Variants in ENO3 observed in about 807,000 individuals in gnomAD.
ENO3 encodes beta-enolase.
In ENO3, 46 loss-of-function variants were observed where a neutral mutation model predicts 47.7. The ratio of observed to expected loss-of-function variants is 0.96; its 90% confidence interval spans 0.76 to 1.23. ENO3 has a LOEUF of 1.23. ENO3 is among the 50% of genes most tolerant of loss of function. The pLI is 0.00. For missense variants in ENO3, 575 were observed against 566.2 expected, an observed-to-expected ratio of 1.02 and a Z score of -0.16; for synonymous variants, 223 against 225.9, an observed-to-expected ratio of 0.99 and a Z score of 0.11.
At chr17:4,949,059 C>G (rs1971469252), upstream of ENO3, 1 of 151,918 alleles carries the variant, frequency 6.6e-6, no homozygotes, top group Non-Finnish European at 1.5e-5. Context: ...GGGAGCGCGC[C>G]CGGCCCGACC....
In ENO3 at chr17:4,953,344, G is replaced by A. The variant is rs1438283955; in HGVS notation, c.310+3G>A. 11 of 1,614,132 alleles carry A rather than the reference G, an allele frequency of 6.8e-6. No homozygotes were observed. The highest frequency in any genetic ancestry group is 8.5e-6 in the Non-Finnish European group (10 of 1,180,048). ...GCTAGATGGGACCGAGAATAAGTGT[G>A]AGTGAAGGGCTAGCGGTGGGGAAGG... On this transcript the variant is annotated splice_donor_region_variant and intron_variant, in intron 5 of 11. Coordinates refer to ENST00000519602, the MANE Select transcript of ENO3 (RefSeq NM_053013.4).
At position 4,955,973 on chromosome 17, in the gene ENO3, T is replaced by A. The variant is rs1466050309; in HGVS notation, c.897T>A (p.Asp299Glu). ...CCATCGAAGACCCCTTTGACCAGGA[T>A]GACTGGGCCACTTGGACCTCCTTCC... ...VVSIEDPFDQ[D>E]DWATWTSFLS... is the part of the protein sequence containing the mutation. Residue 299 changes from aspartate (D) to glutamate (E), a missense_variant, in exon 9 of 12, where the codon GAT becomes GAA. Transcript: ENST00000519602. 1.9e-6 allele frequency: 3 copies of A among 1,613,836 alleles called. No individual in the cohort carries two copies. The South Asian group carries it at 3.3e-5, about 18-fold the overall frequency.
intron 6 of ENO3, 25 bp downstream of exon 6, chr17:4,953,870 C>T (rs1971635484): frequency 6.2e-7 from 1 of 1,613,878 alleles, no homozygotes; most frequent in Admixed American, 1.7e-5. Flanking sequence ...CCGCCCTTCC[C>T]AGATCTCGCC....
chr17:4,951,844 A>G lies in ENO3; in HGVS notation c.15A>G (p.Lys5=), dbSNP rs1597696016. 3.1e-6 allele frequency: 5 copies of G among 1,614,072 alleles called. No individual in the cohort carries two copies. Among genetic ancestry groups the G allele is most frequent in the Non-Finnish European group, 4.2e-6 (5 of 1,179,982 alleles). The change falls in exon 2 of 12, where the codon AAA becomes AAG. Residue 5 remains lysine, a synonymous_variant. Coordinates refer to ENST00000519602, the MANE Select transcript of ENO3 (RefSeq NM_053013.4). ...GTCCTGCAGCCATGGCCATGCAGAA[A>G]ATCTTTGCCCGGGAAATCTTGGACT... is the stretch of plus-strand genomic sequence containing the variant. MAMQ[K]IFAREILDSR...
intron 9 of ENO3, chr17:4,956,367 C>A: frequency 2.7e-6 from 2 of 729,806 alleles, no homozygotes; most frequent in South Asian, 1.7e-5. Context: ...CACACCATTC[C>A]TCTCTCAGAT....
At position 4,956,896 on chromosome 17, in the gene ENO3, C is replaced by A. The variant is rs759839410; in HGVS notation, c.1235+7C>A. The A allele has an allele frequency of 4.3e-6, 7 of 1,614,090 alleles. No individual in the cohort carries two copies. The highest frequency in any genetic ancestry group is 5.1e-6 in the Non-Finnish European group (6 of 1,180,046). ...AATACAACCAACTCATGAGGTACAG[C>A]GGGAACAGTGGGCCTGGGCATTGGG... On this transcript the variant is annotated splice_region_variant and intron_variant, in intron 11 of 11. Transcript: ENST00000519602.
intron 10 of ENO3, 36 bp downstream of exon 10, chr17:4,956,717 A>T (rs1438045314): frequency 6.2e-7 from 1 of 1,614,036 alleles, no homozygotes; most frequent in Non-Finnish European, 8.5e-7. Context: ...TGTCTCACCA[A>T]GTTTTCTTGG....
rs368381926 is a variant in ENO3, at chr17:4,952,907, G to A, written c.181+17G>A. On this transcript the variant is annotated intron_variant, in intron 3 of 11. Transcript: ENST00000519602. ...TGGGGAAAGGTGAGGAGACACCAGC[G>A]CAGAAGGAGCCTGTGTGGGCGGCTT... is the stretch of plus-strand genomic sequence containing the variant. 20 of 1,610,810 alleles carry A rather than the reference G, an allele frequency of 1.2e-5. No individual in the cohort carries two copies. The highest frequency in any genetic ancestry group is 4.5e-5 in the East Asian group (2 of 44,824).
intron 8 of ENO3, 158 bp from the exon 9 acceptor site, chr17:4,955,784 C>G (rs1210118069): frequency 2.4e-6 from 3 of 1,261,098 alleles, no homozygotes; most frequent in African/African-American, 3.0e-5. Flanking sequence ...GACCTCTAGC[C>G]GTGTCTCTGC....
Position 4,953,878 on chromosome 17 carries a change from G to C in ENO3, c.444+33G>C, listed in dbSNP as rs370082924. 1.4e-5 allele frequency: 23 copies of C among 1,613,666 alleles called. No homozygotes were observed. In the East Asian group the frequency reaches 4.2e-4, roughly 30 times the overall value. On this transcript the variant is annotated intron_variant, in intron 6 of 11. Coordinates refer to ENST00000519602, the MANE Select transcript of ENO3 (RefSeq NM_053013.4). ...CAGCTACCCGCCCTTCCCAGATCTC[G>C]CCTGGACAGAGCCAACCCCGCCCAG...
chr17:4,949,484 G>C (rs1229612938), upstream of ENO3, among the ~76,000 whole-genome samples: 1 of 152,218 alleles, frequency 6.6e-6, no homozygotes, highest in Non-Finnish European at 1.5e-5. Context: ...TTAACAGGCG[G>C]GGCTATTTTT....
intron 9 of ENO3, 117 bp downstream of exon 9, chr17:4,956,260 AC>A: frequency 8.2e-7 from 1 of 1,226,058 alleles, no homozygotes; most frequent in Non-Finnish European, 1.2e-6. Flanking sequence ...CACCTGACTT[AC>A]CCACACCTTG....
chr17:4,951,102 C>CT (rs1567669172), upstream of ENO3: 3 of 987,030 alleles, frequency 3.0e-6, no homozygotes, highest in Non-Finnish European at 1.2e-6. Context: ...AATGCGCAGC[C>CT]TGAGAGGGGG....
intron 11 of ENO3, 24 bp from the exon 12 acceptor site, chr17:4,956,954 G>T (rs758130006): frequency 1.2e-6 from 2 of 1,614,228 alleles, no homozygotes; most frequent in South Asian, 2.2e-5. Flanking sequence ...AAGTTCAGCA[G>T]CCCTAACCTT....
In ENO3 at chr17:4,951,907, G is replaced by C. The variant is rs758704680; in HGVS notation, c.78G>C (p.Thr26=). 6.2e-7 allele frequency: 1 copy of C among 1,614,082 alleles called. No homozygotes were observed. Among genetic ancestry groups the C allele is most frequent in the Non-Finnish European group, 8.5e-7 (1 of 1,179,978 alleles). Residue 26 remains threonine (T), a synonymous_variant, in exon 2 of 12, where the codon ACG becomes ACC. Coordinates refer to ENST00000519602, the MANE Select transcript of ENO3 (RefSeq NM_053013.4). ...CCACGGTGGAGGTGGACCTGCACAC[G>C]GCCAAGGGTAACACAAGGCCCATTG... ...GNPTVEVDLH[T]AKGRFRAAVP...
chr17:4,954,948 C>A, intron 6 of ENO3, 127 bp from the exon 7 acceptor site: 9 of 597,874 alleles, frequency 1.5e-5, no homozygotes, highest in Non-Finnish European at 2.6e-5. Context: ...TTGAGCAAAA[C>A]TACTCATCCT....
intron 2 of ENO3, among the ~76,000 whole-genome samples, chr17:4,952,499 A>G (rs1971571901): frequency 6.6e-6 from 1 of 151,438 alleles, no homozygotes; most frequent in African/African-American, 2.4e-5. Context: ...AATTTTTTGT[A>G]TTTTTAGTAG....
intron 1 of ENO3, among the ~76,000 whole-genome samples, chr17:4,951,534 T>G (rs1971538499): frequency 6.7e-6 from 1 of 149,524 alleles, no homozygotes; most frequent in East Asian, 2.0e-4. Context: ...ACCAGAGGGG[T>G]GGAAGGAGAA....
At chr17:4,952,404 C>A (rs1451111197) in intron 2 of ENO3, 1 of 328,304 alleles carries the variant, frequency 3.0e-6, no homozygotes, top group Non-Finnish European at 5.8e-6. Context: ...AGTGCAGTGG[C>A]GCGATCTAGG....
Sources: allele counts gnomAD v4.1 joint callset (sites outside exome capture counted in the v4.1 genomes callset), GRCh38; gene constraint gnomAD v4.1.1; transcripts MANE v1.5; gene names NCBI Gene and HGNC (gene_info 2026-07-23, HGNC 2026-07-21).